QRICH2: variants seen among roughly 807,000 people sequenced by gnomAD.
QRICH2 encodes the protein glutamine rich 2, also known as glutamine-rich protein 2.
Under a neutral mutation model 168.3 loss-of-function variants are expected in QRICH2, and 119 were observed. That is an observed-to-expected ratio of 0.71 (90% CI 0.61 to 0.82). The LOEUF is 0.82. QRICH2 is among the 40% of genes least tolerant of loss of function. QRICH2 has a pLI of 0.00. For missense variants in QRICH2, 2,241 were observed against 2,491.6 expected, an observed-to-expected ratio of 0.90 and a Z score of 2.14; for synonymous variants, 894 against 951.2, an observed-to-expected ratio of 0.94 and a Z score of 1.11.
At position 76,280,021 on chromosome 17, in the gene QRICH2, C is replaced by T; in HGVS notation, c.4748+12G>A. 4 of 1,601,196 alleles carry T rather than the reference C, an allele frequency of 2.5e-6. No homozygotes were observed. The South Asian group carries it at 3.4e-5, about 13-fold the overall frequency. ...AGCGTGCCAGCCTCCTCCCCTGCCT[C>T]CCAGGCCTCACCTCCGCATGGCAGC... On this transcript the variant is annotated intron_variant, in intron 12 of 18. Coordinates refer to ENST00000680821, the MANE Select transcript of QRICH2 (RefSeq NM_001388453.1). This position sits in a 1 kb window ranked among gnomAD's most constrained non-coding sequence, Gnocchi z 7.4.
chr17:76,295,384 G>A (rs1160663639), intron 3 of QRICH2, among the ~76,000 whole-genome samples: 1 of 152,222 alleles, frequency 6.6e-6, no homozygotes, highest in Non-Finnish European at 1.5e-5. Context: ...GCTGGGCACA[G>A]TGGCTCACGC....
At chr17:76,308,535 C>A, upstream of QRICH2, 1 of 978,362 alleles carries the variant, frequency 1.0e-6, no homozygotes, top group Non-Finnish European at 1.2e-6. Context: ...GTGTCATCAG[C>A]TGCGTCCATT....
intron 5 of QRICH2, among the ~76,000 whole-genome samples, chr17:76,288,383 TAAAAA>T (rs770162922): frequency 5.1e-5 from 2 of 39,264 alleles, no homozygotes; most frequent in Non-Finnish European, 9.0e-5. Context: ...GAATCAGTCT[TAAAAA>T]AAAAAAAAAA....
At position 76,290,996 on chromosome 17, in the gene QRICH2, A is replaced by G; in HGVS notation, c.3712+19T>C. The G allele has an allele frequency of 6.2e-7, 1 of 1,604,468 alleles. No individual in the cohort carries two copies. Among genetic ancestry groups the G allele is most frequent in the South Asian group, 1.1e-5 (1 of 90,636 alleles). On this transcript the variant is annotated intron_variant, in intron 4 of 18. Coordinates refer to ENST00000680821, the MANE Select transcript of QRICH2 (RefSeq NM_001388453.1). Reference sequence around the variant, plus strand: ...AAACAGAGACAATGGTTTCTCCTCTATCGGCAAGCGGCACCCACCCATCTG... The same window carrying G: ...AAACAGAGACAATGGTTTCTCCTCTGTCGGCAAGCGGCACCCACCCATCTG...
At chr17:76,282,772 C>T (rs2070813174) in intron 7 of QRICH2, among the ~76,000 whole-genome samples, 1 of 152,154 alleles carries the variant, frequency 6.6e-6, no homozygotes, top group African/African-American at 2.4e-5. Flanking sequence ...GCAGCCGGTC[C>T]CTCAACTGGC....
chr17:76,310,074 C>G (rs969722837), upstream of QRICH2: 1 of 151,868 alleles, frequency 6.6e-6, no homozygotes, highest in Non-Finnish European at 1.5e-5. Context: ...CAATCTCTGC[C>G]TCTTGGGTTC....
At chr17:76,284,717 C>G (rs973741265) in intron 7 of QRICH2, among the ~76,000 whole-genome samples, 2 of 151,552 alleles carry the variant, frequency 1.3e-5, no homozygotes, top group African/African-American at 2.4e-5. Flanking sequence ...GCTTGGGAGG[C>G]TGAGGCAGGA....
intron 3 of QRICH2, 97 bp downstream of exon 3, chr17:76,304,318 A>G (rs1419082332): frequency 4.1e-6 from 3 of 728,064 alleles, no homozygotes. Flanking sequence ...CTTGCGAACT[A>G]TGAATATCCA....
At chr17:76,282,182 G>A in intron 7 of QRICH2, 67 bp from the exon 8 acceptor site, 1 of 1,523,810 alleles carries the variant, frequency 6.6e-7, no homozygotes. Context: ...TGCCCATGCT[G>A]GCACTGCCCC....
Position 76,281,148 on chromosome 17 carries a change from G to A in QRICH2, c.4264-195C>T, listed in dbSNP as rs1204764092. On this transcript the variant is annotated intron_variant, in intron 8 of 18. Transcript: ENST00000680821. The surrounding 1 kb of genome is among the most constrained non-coding windows in gnomAD (Gnocchi z 4.4). ...GGATCACTTGAGCCCAGGAGTTCAA[G>A]AACAGCCTGGGCAACATAGGGAGAC... Among the ~76,000 whole-genome samples, 2 of 152,204 alleles carry A rather than the reference G, an allele frequency of 1.3e-5. No homozygotes were observed. The highest frequency in any genetic ancestry group is 2.9e-5 in the Non-Finnish European group (2 of 68,030).
In QRICH2 at chr17:76,275,959, C is replaced by G. The variant is rs1015734404; in HGVS notation, c.5354-12G>C. The stretch of plus-strand genomic sequence containing the variant: ...TGAGGTCCCTGAGCCTGATGGGGGA[C>G]AGGAGGGAAGGGTCAGTGCTGAGGC... On this transcript the variant is annotated splice_polypyrimidine_tract_variant and intron_variant, in intron 17 of 18. Transcript: ENST00000680821. 4 of 1,605,356 alleles carry G rather than the reference C, an allele frequency of 2.5e-6. No homozygotes were observed. Among genetic ancestry groups the G allele is most frequent in the Non-Finnish European group, 3.4e-6 (4 of 1,179,750 alleles).
At chr17:76,277,387 T>C in intron 15 of QRICH2, 77 bp from the exon 16 acceptor site, 1 of 1,512,822 alleles carries the variant, frequency 6.6e-7, no homozygotes, top group Non-Finnish European at 9.0e-7. Flanking sequence ...CCCATGGGGC[T>C]GACCAGAGGG....
intron 3 of QRICH2, among the ~76,000 whole-genome samples, chr17:76,296,171 C>T (rs753578558): frequency 1.6e-4 from 24 of 151,540 alleles, no homozygotes; most frequent in African/African-American, 4.4e-4. Flanking sequence ...TGCAGTGAGC[C>T]GAGATAGCAC....
chr17:76,275,927 T>C lies in QRICH2; in HGVS notation c.5374A>G (p.Lys1792Glu), dbSNP rs1400138521. 6.2e-7 allele frequency: 1 copy of C among 1,608,446 alleles called. No homozygotes were observed. Among genetic ancestry groups the C allele is most frequent in the Non-Finnish European group, 8.5e-7 (1 of 1,179,900 alleles). ...ACGTGGGGCCTGGGCTGCTGGGACTTGCGCTTTGAGGTCCCTGAGCCTGAT... is the reference window on the plus strand; with the variant it reads ...ACGTGGGGCCTGGGCTGCTGGGACTCGCGCTTTGAGGTCCCTGAGCCTGAT... ...RKDSSGTSKR[K>E]SQQPRPHVHR... The change falls in exon 18 of 19, where the codon AAG becomes GAG. Residue 1792 changes from lysine (K) to glutamate (E), a missense_variant. This residue lies in a region of QRICH2 where 189 missense variants were observed against 169.3 expected (regional missense o/e 1.12). Coordinates refer to ENST00000680821, the MANE Select transcript of QRICH2 (RefSeq NM_001388453.1).
intron 1 of QRICH2, 151 bp from the exon 2 acceptor site, chr17:76,305,092 G>A (rs1026262619): frequency 1.2e-4 from 77 of 663,858 alleles, no homozygotes; most frequent in Middle Eastern, 6.6e-4. Flanking sequence ...GCCAGGAGAC[G>A]AGGAAAGGGG....
chr17:76,296,710 G>A (rs1383036623), intron 3 of QRICH2, among the ~76,000 whole-genome samples: 2 of 151,188 alleles, frequency 1.3e-5, no homozygotes, highest in African/African-American at 2.4e-5. Flanking sequence ...CCCAGGAGGC[G>A]GAGGTTGCAG....
intron 3 of QRICH2, chr17:76,301,564 C>T: frequency 6.3e-6 from 1 of 158,540 alleles, no homozygotes; most frequent in South Asian, 1.5e-4. Context: ...GAGACTCTGT[C>T]TCAAAAAAAA....
rs994039542 is a variant in QRICH2 at position 76,280,263 on chromosome 17, A to G, written c.4626+24T>C. 2 of 1,612,128 alleles carry G rather than the reference A, an allele frequency of 1.2e-6. No individual in the cohort carries two copies. Among genetic ancestry groups the G allele is most frequent in the African/African-American group, 2.7e-5 (2 of 74,826 alleles). On this transcript the variant is annotated intron_variant, in intron 11 of 18. Transcript: ENST00000680821. This position sits in a 1 kb window ranked among gnomAD's most constrained non-coding sequence, Gnocchi z 7.4. ...CTGGGGGCAAGGCTGTGGGATGGAG[A>G]GCCCCGCCATGCCCCTGCCTCACCT... is the stretch of plus-strand genomic sequence containing the variant.
chr17:76,284,820 G>T (rs1442784466), intron 7 of QRICH2, among the ~76,000 whole-genome samples: 1 of 118,822 alleles, frequency 8.4e-6, no homozygotes, highest in African/African-American at 3.1e-5. Flanking sequence ...CCGTCTCAAA[G>T]AAAAAAAAAA....
Sources: allele counts gnomAD v4.1 joint callset (sites outside exome capture counted in the v4.1 genomes callset), GRCh38; gene constraint gnomAD v4.1.1; regional missense constraint gnomAD v4.1.1; non-coding constraint Gnocchi (gnomAD v3.1); transcripts MANE v1.5; gene names NCBI Gene and HGNC (gene_info 2026-07-23, HGNC 2026-07-21).